The following PPP1R14C variants were observed in gnomAD, a reference collection of about 807,000 sequenced individuals.
PPP1R14C encodes the protein protein phosphatase 1 regulatory subunit 14C.
In PPP1R14C, 16 loss-of-function variants were observed where a neutral mutation model predicts 20.4. That is an observed-to-expected ratio of 0.78 (90% CI 0.53 to 1.19). The LOEUF (loss-of-function observed/expected upper bound fraction) is 1.19, where lower values mean the gene tolerates loss of function less well. Ranked by LOEUF, PPP1R14C falls within the 50% of genes most tolerant of loss-of-function variation. The pLI is 0.00. For synonymous variants in PPP1R14C, 91 were observed against 91.0 expected (o/e 1.00, Z 0.00); for missense variants, 211 against 220.1 (o/e 0.96, Z 0.26).
rs1778530217 is a variant in PPP1R14C at position 150,249,084 on chromosome 6, G to A, written c.*264G>A. The A allele has an allele frequency of 2.4e-6, 1 of 424,626 alleles. No homozygotes were observed. The highest frequency in any genetic ancestry group is 2.0e-5 in the African/African-American group (1 of 49,252). 26.3% of individuals were successfully genotyped at this position (424,626 alleles called of 1,614,324 possible). A position where few individuals can be genotyped will look rare whatever the true frequency, so the allele number is the denominator to read the frequency against. On this transcript the variant is annotated 3_prime_UTR_variant, in exon 4 of 4. Coordinates refer to ENST00000361131, the MANE Select transcript of PPP1R14C (RefSeq NM_030949.3). Reference sequence around the variant, plus strand: ...CACAGCCTAACCAAGGATTATCAAAGGAGGTGGACACTCAAGGAAGGGCCA... The same window carrying A: ...CACAGCCTAACCAAGGATTATCAAAAGAGGTGGACACTCAAGGAAGGGCCA...
intron 1 of PPP1R14C, among the ~76,000 whole-genome samples, chr6:150,167,973 T>TTCTCTCCTCCCCTTCCTCC (rs1582900457): frequency 2.5e-4 from 7 of 28,206 alleles, no homozygotes; most frequent in African/African-American, 1.8e-4. Context: ...CCTCTTTCTC[T>TTCTCTCCTCCCCTTCCTCC]CCTTCTCTCC....
chr6:150,216,735 T>A (rs1778098651), intron 2 of PPP1R14C, 89 bp from the exon 3 acceptor site: 1 of 844,838 alleles, frequency 1.2e-6, no homozygotes, highest in African/African-American at 1.7e-5. Context: ...AAAATAATAC[T>A]ATGAATATAA....
chr6:150,198,229 C>T (rs1157440374), intron 1 of PPP1R14C, among the ~76,000 whole-genome samples: 1 of 148,820 alleles, frequency 6.7e-6, no homozygotes, highest in Admixed American at 6.6e-5. Flanking sequence ...GCCTGGATGC[C>T]CGGCTTTGTG....
At chr6:150,179,679 C>G (rs911097560) in intron 1 of PPP1R14C, among the ~76,000 whole-genome samples, 8 of 151,960 alleles carry the variant, frequency 5.3e-5, no homozygotes, top group African/African-American at 1.7e-4. Flanking sequence ...CATGAAGGCT[C>G]TCTTACACAG....
intron 1 of PPP1R14C, among the ~76,000 whole-genome samples, chr6:150,188,201 A>G (rs1562264556): frequency 6.6e-6 from 1 of 152,198 alleles, no homozygotes; most frequent in Non-Finnish European, 1.5e-5. Flanking sequence ...AAGGATCTCT[A>G]ATTTAGAACA....
At chr6:150,168,307 C>T (rs1179035958) in intron 1 of PPP1R14C, among the ~76,000 whole-genome samples, 3 of 151,590 alleles carry the variant, frequency 2.0e-5, no homozygotes, top group Non-Finnish European at 4.4e-5. Context: ...GAGGCCGAGG[C>T]GGGCAGATCA....
At chr6:150,247,053 G>A (rs1049772358) in intron 3 of PPP1R14C, among the ~76,000 whole-genome samples, 1 of 152,048 alleles carries the variant, frequency 6.6e-6, no homozygotes, top group African/African-American at 2.4e-5. Flanking sequence ...TTATAATAGG[G>A]AAAAGATTAT....
intron 1 of PPP1R14C, among the ~76,000 whole-genome samples, chr6:150,203,460 G>T (rs1387895763): frequency 1.3e-5 from 2 of 152,150 alleles, no homozygotes; most frequent in Admixed American, 1.3e-4. Context: ...CCTTGCGATG[G>T]GATTCACAAT....
intron 1 of PPP1R14C, among the ~76,000 whole-genome samples, chr6:150,149,653 G>T (rs1777222837): frequency 6.6e-6 from 1 of 152,004 alleles, no homozygotes; most frequent in African/African-American, 2.4e-5. Context: ...GCTGTCAGGA[G>T]GACTGATTGG....
Position 150,143,085 on chromosome 6 carries a change from G to T in PPP1R14C, c.-108G>T, listed in dbSNP as rs1156544648. 6.3e-6 allele frequency: 7 copies of T among 1,116,544 alleles called. No individual in the cohort carries two copies. Among genetic ancestry groups the T allele is most frequent in the Non-Finnish European group, 7.6e-6 (7 of 919,260 alleles). 69.2% of individuals were successfully genotyped at this position (1,116,544 alleles called of 1,614,324 possible). ...TGGGCGCGCGCGGCGCAGAGCAGGTGCCGGGGAGCCCTTCGCATGCGGCTG... is the reference window on the plus strand; with the variant it reads ...TGGGCGCGCGCGGCGCAGAGCAGGTTCCGGGGAGCCCTTCGCATGCGGCTG... On this transcript the variant is annotated 5_prime_UTR_variant, in exon 1 of 4. Transcript: ENST00000361131. This position sits in a 1 kb window ranked among gnomAD's most constrained non-coding sequence, Gnocchi z 5.6.
At chr6:150,148,617 G>A (rs912244725) in intron 1 of PPP1R14C, among the ~76,000 whole-genome samples, 1 of 152,154 alleles carries the variant, frequency 6.6e-6, no homozygotes, top group Non-Finnish European at 1.5e-5. Flanking sequence ...CTTTATTAGC[G>A]CTCAAGCTGG....
chr6:150,187,327 G>C (rs1192507751), intron 1 of PPP1R14C, among the ~76,000 whole-genome samples: 1 of 150,902 alleles, frequency 6.6e-6, no homozygotes, highest in Non-Finnish European at 1.5e-5. Flanking sequence ...TAAGTTCGGG[G>C]TATAAGTGAA....
At chr6:150,182,467 G>T (rs1777632868) in intron 1 of PPP1R14C, among the ~76,000 whole-genome samples, 1 of 152,126 alleles carries the variant, frequency 6.6e-6, no homozygotes, top group Non-Finnish European at 1.5e-5. Context: ...CACATGGAAA[G>T]ATAGAGATCA....
rs559742659 is a variant in PPP1R14C at position 150,163,060 on chromosome 6, G to A, written c.306+19562G>A. ...CAAGGGACTAGGAACAGAAAGTACT[G>A]TGAGGTAAAGACATGAATGAGAGTA... On this transcript the variant is annotated intron_variant, in intron 1 of 3. Coordinates refer to ENST00000361131, the MANE Select transcript of PPP1R14C (RefSeq NM_030949.3). Among the ~76,000 whole-genome samples the A allele has an allele frequency of 8.5e-5, 13 of 152,282 alleles. No individual in the cohort carries two copies. The East Asian group carries it at 2.3e-3, about 27-fold the overall frequency.
At chr6:150,234,080 T>G (rs1434495494) in intron 3 of PPP1R14C, among the ~76,000 whole-genome samples, 4 of 152,306 alleles carry the variant, frequency 2.6e-5, no homozygotes, top group Admixed American at 2.0e-4. Context: ...TCTATTTTTT[T>G]TCCCCAACCT....
intron 1 of PPP1R14C, among the ~76,000 whole-genome samples, chr6:150,156,548 T>A (rs1777308191): frequency 6.6e-6 from 1 of 152,218 alleles, no homozygotes. Flanking sequence ...AGGTGAGGTG[T>A]TGAGTTTTCA....
intron 3 of PPP1R14C, among the ~76,000 whole-genome samples, chr6:150,248,221 T>C (rs1778517357): frequency 6.6e-6 from 1 of 152,194 alleles, no homozygotes; most frequent in African/African-American, 2.4e-5. Flanking sequence ...AAGTTTCCAA[T>C]ACATGAAATT....
chr6:150,225,082 AC>A (rs1260675803), intron 3 of PPP1R14C, among the ~76,000 whole-genome samples: 1 of 151,958 alleles, frequency 6.6e-6, no homozygotes, highest in Non-Finnish European at 1.5e-5. Context: ...CTCTACTAAA[AC>A]CCTGTCAGGT....
At chr6:150,226,484 A>G (rs891279576) in intron 3 of PPP1R14C, among the ~76,000 whole-genome samples, 2 of 152,108 alleles carry the variant, frequency 1.3e-5, no homozygotes, top group Non-Finnish European at 2.9e-5. Flanking sequence ...TTTTCTCACT[A>G]TCTTTGCACA....
Sources: allele counts gnomAD v4.1 joint callset (sites outside exome capture counted in the v4.1 genomes callset), GRCh38; gene constraint gnomAD v4.1.1; non-coding constraint Gnocchi (gnomAD v3.1); transcripts MANE v1.5; gene names NCBI Gene and HGNC (gene_info 2026-07-23, HGNC 2026-07-21).